SLC38A9: variants seen among roughly 807,000 people sequenced by gnomAD.
SLC38A9 encodes the protein solute carrier family 38 member 9, also known as neutral amino acid transporter 9.
In SLC38A9, 48 loss-of-function variants were observed where a neutral mutation model predicts 62.3. That is an observed-to-expected ratio of 0.77 (90% CI 0.61 to 0.98). The LOEUF (loss-of-function observed/expected upper bound fraction) is 0.98. Ranked by LOEUF, SLC38A9 falls within the 50% of genes least tolerant of loss-of-function variation. The pLI is 0.00. For synonymous variants in SLC38A9, 204 were observed against 227.7 expected (o/e 0.90, Z 0.94); for missense variants, 541 against 679.8 (o/e 0.80, Z 2.27).
chr5:55,678,682 G>C (rs1246809539), intron 3 of SLC38A9, among the ~76,000 whole-genome samples: 1 of 103,140 alleles, frequency 9.7e-6, no homozygotes, highest in African/African-American at 3.6e-5. Context: ...TTTGAGACAG[G>C]GTCTTGCTCT....
At chr5:55,660,047 T>G (rs992613495) in intron 8 of SLC38A9, among the ~76,000 whole-genome samples, 1 of 147,758 alleles carries the variant, frequency 6.8e-6, no homozygotes, top group African/African-American at 2.5e-5. Flanking sequence ...ATTACAGGCA[T>G]GAGCCACCAC....
intron 9 of SLC38A9, among the ~76,000 whole-genome samples, chr5:55,655,761 G>A (rs531774755): frequency 1.1e-4 from 16 of 152,204 alleles, no homozygotes; most frequent in Non-Finnish European, 1.8e-4. Flanking sequence ...TGATCAATGT[G>A]CATCTCCATC....
intron 2 of SLC38A9, among the ~76,000 whole-genome samples, chr5:55,708,598 C>G (rs1157579942): frequency 9.9e-5 from 15 of 152,176 alleles, no homozygotes; most frequent in Admixed American, 9.8e-4. Context: ...ATAAATGTGA[C>G]TATGGACCCA....
chr5:55,694,395 G>A (rs933956535), intron 3 of SLC38A9, among the ~76,000 whole-genome samples: 2 of 152,092 alleles, frequency 1.3e-5, no homozygotes, highest in Non-Finnish European at 2.9e-5. Flanking sequence ...TCAGGAAAGT[G>A]CAAGCATCAA....
intron 14 of SLC38A9, among the ~76,000 whole-genome samples, chr5:55,628,781 A>T (rs548700932): frequency 6.6e-6 from 1 of 152,330 alleles, no homozygotes; most frequent in Admixed American, 6.5e-5. Context: ...TTAACTAGAT[A>T]TTAACAATTC....
In SLC38A9 at chr5:55,633,829, A is replaced by G; in HGVS notation, c.1355T>C (p.Met452Thr). 1.9e-6 allele frequency: 3 copies of G among 1,614,192 alleles called. No homozygotes were observed. Among genetic ancestry groups the G allele is most frequent in the Middle Eastern group, 3.3e-4 (2 of 6,062 alleles). The change falls in exon 14 of 16, where the codon ATG becomes ACG. Residue 452 changes from methionine (M) to threonine (T), a missense_variant. Met to Thr is a moderately conservative substitution (Grantham distance 81, BLOSUM62 -1). Transcript: ENST00000396865. The stretch of plus-strand genomic sequence containing the variant: ...GTAGCCTAAGAGTGGGTATACAGTC[A>G]TCATCTGGAACAGCAGGAATATCCT... The part of the protein sequence containing the change: ...IARIFLLFQM[M>T]TVYPLLGYLA...
At chr5:55,639,245 C>T (rs1380802517) in intron 12 of SLC38A9, among the ~76,000 whole-genome samples, 1 of 143,560 alleles carries the variant, frequency 7.0e-6, no homozygotes, top group Non-Finnish European at 1.5e-5. Flanking sequence ...TGCACTCCAG[C>T]CTGGGCAACA....
intron 7 of SLC38A9, among the ~76,000 whole-genome samples, chr5:55,666,231 A>G (rs1041099472): frequency 7.9e-5 from 12 of 152,230 alleles, no homozygotes; most frequent in African/African-American, 2.9e-4. Context: ...AGAAATTTAC[A>G]TAAGAAAACA....
intron 2 of SLC38A9, among the ~76,000 whole-genome samples, chr5:55,708,786 T>TA (rs1419228887): frequency 6.6e-6 from 1 of 152,250 alleles, no homozygotes; most frequent in African/African-American, 2.4e-5. Flanking sequence ...TTGAGCCATA[T>TA]AGTTTCTGCA....
chr5:55,674,715 T>C (rs1751845070), intron 3 of SLC38A9, among the ~76,000 whole-genome samples: 2 of 152,322 alleles, frequency 1.3e-5, no homozygotes, highest in African/African-American at 4.8e-5. Flanking sequence ...TATTGTTAAG[T>C]GAATTAAGTG....
At chr5:55,663,945 T>C (rs994564829) in intron 8 of SLC38A9, among the ~76,000 whole-genome samples, 1 of 152,156 alleles carries the variant, frequency 6.6e-6, no homozygotes, top group African/African-American at 2.4e-5. Context: ...CTGCTAAACA[T>C]ATATTAAACT....
At position 55,697,826 on chromosome 5, in the gene SLC38A9, GTTTTA is replaced by G. The variant is rs1448437362; in HGVS notation, c.113+15_113+19del. ...ATTAAAGACCCTAATTATGAAATGT[GTTTTA>G]TTTTAAATGCTTACCTTTTGGATCT... is the stretch of plus-strand genomic sequence containing the variant. On this transcript the variant is annotated intron_variant, in intron 3 of 15. Transcript: ENST00000396865. 1 of 1,314,272 alleles carries G rather than the reference GTTTTA, an allele frequency of 7.6e-7. No homozygotes were observed. Among genetic ancestry groups the G allele is most frequent in the Non-Finnish European group, 1.1e-6 (1 of 935,530 alleles). 81.4% of individuals were successfully genotyped at this position (1,314,272 alleles called of 1,614,324 possible).
chr5:55,644,645 C>A (rs1453768629), intron 12 of SLC38A9, among the ~76,000 whole-genome samples: 2 of 152,058 alleles, frequency 1.3e-5, no homozygotes, highest in South Asian at 4.2e-4. Context: ...TGGTCTTGAA[C>A]TCTTGACCTC....
chr5:55,684,658 T>C (rs1342250307), intron 3 of SLC38A9, among the ~76,000 whole-genome samples: 1 of 152,172 alleles, frequency 6.6e-6, no homozygotes, highest in African/African-American at 2.4e-5. Flanking sequence ...TATTGTTTGT[T>C]TGTTTGCTTT....
At chr5:55,689,983 T>C (rs1196275984) in intron 3 of SLC38A9, among the ~76,000 whole-genome samples, 6 of 151,750 alleles carry the variant, frequency 4.0e-5, no homozygotes. Flanking sequence ...AAGAAGCCAC[T>C]CAGGCAAGCA....
intron 2 of SLC38A9, among the ~76,000 whole-genome samples, chr5:55,698,450 G>GT (rs919571783): frequency 1.3e-5 from 2 of 152,146 alleles, no homozygotes; most frequent in Non-Finnish European, 2.9e-5. Flanking sequence ...GCCTTGTGTA[G>GT]TATTTGGGAA....
At chr5:55,708,787 A>G (rs1406361715) in intron 2 of SLC38A9, among the ~76,000 whole-genome samples, 1 of 152,224 alleles carries the variant, frequency 6.6e-6, no homozygotes, top group Non-Finnish European at 1.5e-5. Flanking sequence ...TGAGCCATAT[A>G]GTTTCTGCAG....
intron 3 of SLC38A9, chr5:55,696,778 G>A (rs1424139354): frequency 3.3e-4 from 51 of 155,468 alleles, no homozygotes; most frequent in Non-Finnish European, 5.4e-4. Context: ...GGTGGCTGCC[G>A]GGTGGAGAGG....
At chr5:55,673,431 G>A (rs373535968) in intron 3 of SLC38A9, 8 of 152,136 alleles carry the variant, frequency 5.3e-5, no homozygotes, top group African/African-American at 1.7e-4. Flanking sequence ...ATTTTCTTCT[G>A]AAGTTTCCAG....
Sources: gnomAD v4.1 joint callset for allele counts (sites outside exome capture counted in the v4.1 genomes callset) on GRCh38, gnomAD v4.1.1 for gene constraint, MANE v1.5 for transcripts, NCBI Gene and HGNC (gene_info 2026-07-23, HGNC 2026-07-21) for gene names.